Variants in LRP1B observed in about 807,000 individuals in gnomAD.
LRP1B encodes the protein LDL receptor related protein 1B, also known as low-density lipoprotein receptor-related protein 1B.
Under a neutral mutation model 556.6 loss-of-function variants are expected in LRP1B, and 217 were observed. That is an observed-to-expected ratio of 0.39 (90% CI 0.35 to 0.44). The LOEUF (loss-of-function observed/expected upper bound fraction) is 0.44. LRP1B is among the 20% of genes least tolerant of loss of function. LRP1B has a pLI of 1.00. For synonymous variants in LRP1B, 2,047 were observed against 1,865.8 expected (o/e 1.10, Z -2.50); for missense variants, 5,053 against 5,620.8 (o/e 0.90, Z 3.23).
At chr2:140,682,651 C>T (rs1685898769) in intron 41 of LRP1B, among the ~76,000 whole-genome samples, 1 of 148,250 alleles carries the variant, frequency 6.7e-6, no homozygotes, top group Non-Finnish European at 1.5e-5. Context: ...GGAAGACACA[C>T]TTTTCTCTAG....
At chr2:140,300,450 A>G (rs1019226600) in intron 83 of LRP1B, among the ~76,000 whole-genome samples, 2 of 152,176 alleles carry the variant, frequency 1.3e-5, no homozygotes, top group African/African-American at 4.8e-5. Context: ...AATACTTGAA[A>G]AAGAAACAGT....
intron 1 of LRP1B, among the ~76,000 whole-genome samples, chr2:141,845,563 G>A (rs1215196097): frequency 3.3e-5 from 5 of 151,810 alleles, no homozygotes; most frequent in Admixed American, 1.3e-4. Flanking sequence ...CAGTGTCTGA[G>A]GCATTCTTCC....
At chr2:140,575,473 T>C (rs1325115806) in intron 43 of LRP1B, among the ~76,000 whole-genome samples, 1 of 152,234 alleles carries the variant, frequency 6.6e-6, no homozygotes, top group Non-Finnish European at 1.5e-5. Flanking sequence ...ATAGAGTTAA[T>C]GGCATTTTTG....
intron 3 of LRP1B, among the ~76,000 whole-genome samples, chr2:141,469,591 T>G (rs6429886): frequency 0.44 from 66,793 of 151,928 alleles, 14,991 homozygotes; most frequent in Non-Finnish European, 0.49. Context: ...TAAGTGAAAA[T>G]AATGGATTAT....
Position 140,528,104 on chromosome 2 carries a change from A to T in LRP1B, c.7763-1754T>A, listed in dbSNP as rs142026009. Among the ~76,000 whole-genome samples the T allele has an allele frequency of 7.2e-5, 11 of 152,026 alleles. No homozygotes were observed. The East Asian group carries it at 1.9e-3, about 27-fold the overall frequency. ...TCTCCCATAGAGAATTCTCTGTCTG[A>T]GTGAGAAGTAGTGGCAGAGACAATG... On this transcript the variant is annotated intron_variant, in intron 47 of 90. Coordinates refer to ENST00000389484, the MANE Select transcript of LRP1B (RefSeq NM_018557.3).
intron 83 of LRP1B, among the ~76,000 whole-genome samples, chr2:140,314,705 G>C (rs72990623): frequency 2.0e-5 from 3 of 152,010 alleles, no homozygotes; most frequent in East Asian, 3.9e-4. Flanking sequence ...TAAACACTGA[G>C]CCTGTCACAT....
At chr2:140,887,045 G>A (rs544942889) in intron 23 of LRP1B, among the ~76,000 whole-genome samples, 19 of 152,144 alleles carry the variant, frequency 1.2e-4, no homozygotes, top group Non-Finnish European at 2.4e-4. Flanking sequence ...TTTCAAAAAT[G>A]TATCAACCCT....
At chr2:141,436,630 A>T (rs1172871972) in intron 3 of LRP1B, among the ~76,000 whole-genome samples, 1 of 151,848 alleles carries the variant, frequency 6.6e-6, no homozygotes, top group African/African-American at 2.4e-5. Context: ...GTATTTTTTA[A>T]TCCACTGCAC....
At chr2:140,254,549 G>A (rs892471672) in intron 86 of LRP1B, among the ~76,000 whole-genome samples, 1 of 151,366 alleles carries the variant, frequency 6.6e-6, no homozygotes, top group Non-Finnish European at 1.5e-5. Context: ...TGTTTGTTTT[G>A]TTTGTTTGTT....
chr2:141,920,069 A>G (rs1700142401), intron 1 of LRP1B, among the ~76,000 whole-genome samples: 1 of 151,940 alleles, frequency 6.6e-6, no homozygotes, highest in Non-Finnish European at 1.5e-5. Context: ...GGTTCAAATT[A>G]TAGCTAATAT....
At chr2:140,925,470 T>C (rs977176828) in intron 20 of LRP1B, among the ~76,000 whole-genome samples, 43 of 152,276 alleles carry the variant, frequency 2.8e-4, no homozygotes, top group South Asian at 2.1e-4. Context: ...TCCTTCTACT[T>C]AACTTTCGTT....
At chr2:141,536,779 A>T (rs1685083260) in intron 2 of LRP1B, among the ~76,000 whole-genome samples, 1 of 151,990 alleles carries the variant, frequency 6.6e-6, no homozygotes, top group Non-Finnish European at 1.5e-5. Context: ...CATAATATCA[A>T]TTTTTTTCTT....
At chr2:142,047,156 T>C (rs1704288350) in intron 1 of LRP1B, among the ~76,000 whole-genome samples, 1 of 151,944 alleles carries the variant, frequency 6.6e-6, no homozygotes, top group Non-Finnish European at 1.5e-5. Context: ...GTGGAGACAA[T>C]GCAGGGGCCT....
At chr2:140,305,727 T>G (rs1474422803) in intron 83 of LRP1B, among the ~76,000 whole-genome samples, 1 of 152,156 alleles carries the variant, frequency 6.6e-6, no homozygotes, top group Non-Finnish European at 1.5e-5. Context: ...CCCTGTCTTG[T>G]GCCGGTTTTC....
At chr2:141,570,956 G>A (rs1235587216) in intron 2 of LRP1B, among the ~76,000 whole-genome samples, 3 of 151,300 alleles carry the variant, frequency 2.0e-5, no homozygotes, top group Non-Finnish European at 3.0e-5. Flanking sequence ...CTGTGGACCA[G>A]CTGACTTAGC....
At chr2:141,334,308 T>G (rs1200040863) in intron 3 of LRP1B, among the ~76,000 whole-genome samples, 2 of 152,172 alleles carry the variant, frequency 1.3e-5, no homozygotes, top group Non-Finnish European at 1.5e-5. Flanking sequence ...AGATATTGAG[T>G]TCCCACAAGA....
chr2:142,055,558 C>T (rs558580639), intron 1 of LRP1B, among the ~76,000 whole-genome samples: 1 of 152,284 alleles, frequency 6.6e-6, no homozygotes, highest in East Asian at 1.9e-4. Flanking sequence ...CATTTATAAA[C>T]ATTCTTCTAG....
At chr2:141,457,871 G>T (rs1241839612) in intron 3 of LRP1B, among the ~76,000 whole-genome samples, 1 of 152,160 alleles carries the variant, frequency 6.6e-6, no homozygotes, top group African/African-American at 2.4e-5. Flanking sequence ...GGGGTACAAA[G>T]ACAGAGAAAA....
At chr2:141,263,014 A>G (rs2105354471) in intron 3 of LRP1B, among the ~76,000 whole-genome samples, 1 of 152,024 alleles carries the variant, frequency 6.6e-6, no homozygotes, top group South Asian at 2.1e-4. Context: ...GAGCCTTCTA[A>G]TTAAAAAATA....
Sources: gnomAD v4.1 joint callset for allele counts (sites outside exome capture counted in the v4.1 genomes callset) on GRCh38, gnomAD v4.1.1 for gene constraint, MANE v1.5 for transcripts, NCBI Gene and HGNC (gene_info 2026-07-23, HGNC 2026-07-21) for gene names.